RIT2: variants seen among roughly 807,000 people sequenced by gnomAD.
The protein encoded by RIT2 is GTP-binding protein Rit2.
Under a neutral mutation model 23.7 loss-of-function variants are expected in RIT2, and 24 were observed. The observed-to-expected ratio is 1.01, with a 90% confidence interval of 0.73 to 1.43. RIT2 has a LOEUF of 1.43. Ranked by LOEUF, RIT2 falls within the 40% of genes most tolerant of loss-of-function variation. The pLI is 0.00. For synonymous variants in RIT2, 107 were observed against 91.1 expected, an observed-to-expected ratio of 1.17 and a Z score of -0.99; for missense variants, 236 against 266.9, an observed-to-expected ratio of 0.88 and a Z score of 0.81.
chr18:43,045,049 T>C (rs182051700), intron 1 of RIT2, among the ~76,000 whole-genome samples: 49 of 152,240 alleles, frequency 3.2e-4, no homozygotes, highest in Non-Finnish European at 2.2e-4. Context: ...AGAAGAAAAA[T>C]AGACATTTTC....
intron 4 of RIT2, among the ~76,000 whole-genome samples, chr18:42,843,724 TA>T (rs1906831315): frequency 6.6e-6 from 1 of 152,170 alleles, no homozygotes; most frequent in East Asian, 1.9e-4. Context: ...GGCAAGTATA[TA>T]ACAGACTTGG....
intron 4 of RIT2, among the ~76,000 whole-genome samples, chr18:42,901,500 A>G (rs1171335335): frequency 1.3e-5 from 2 of 152,054 alleles, no homozygotes; most frequent in Admixed American, 1.3e-4. Context: ...CAAAAATTAG[A>G]ATTTTGGAAA....
chr18:43,102,445 C>A (rs1011411719), intron 1 of RIT2, among the ~76,000 whole-genome samples: 1 of 109,932 alleles, frequency 9.1e-6, no homozygotes, highest in African/African-American at 3.5e-5. Flanking sequence ...TCAGGAAACC[C>A]TTTTTTTTTT....
chr18:42,879,935 A>T (rs975338504), intron 4 of RIT2, among the ~76,000 whole-genome samples: 1 of 152,184 alleles, frequency 6.6e-6, no homozygotes, highest in Non-Finnish European at 1.5e-5. Context: ...TTCTGGAAAC[A>T]CTAGCTCCAG....
At chr18:42,967,233 A>G (rs1376403928) in intron 3 of RIT2, among the ~76,000 whole-genome samples, 1 of 152,162 alleles carries the variant, frequency 6.6e-6, no homozygotes. Flanking sequence ...ATACAGGGAA[A>G]TACTAACAAC....
At position 43,108,908 on chromosome 18, in the gene RIT2, A is replaced by C. The variant is rs191986780; in HGVS notation, c.103+6509T>G. On this transcript the variant is annotated intron_variant, in intron 1 of 4. Coordinates refer to ENST00000326695, the MANE Select transcript of RIT2 (RefSeq NM_002930.4). ...GTTTATTTTGTTTCTTTTGCCTTAC[A>C]GTCCACAGGGTTAGGATAACGCATG... 5.9e-3 allele frequency among the ~76,000 whole-genome samples: 892 copies of C among 152,316 alleles called. 1 individual carries two copies. The highest frequency in any genetic ancestry group is 8.5e-3 in the Non-Finnish European group (579 of 68,028).
intron 1 of RIT2, among the ~76,000 whole-genome samples, chr18:43,045,569 C>G (rs1912227449): frequency 1.3e-5 from 2 of 152,262 alleles, no homozygotes; most frequent in East Asian, 3.9e-4. Context: ...TATCTGCATA[C>G]ATCCTAAGCA....
chr18:42,922,006 C>T (rs1909066936), intron 4 of RIT2, among the ~76,000 whole-genome samples: 1 of 152,102 alleles, frequency 6.6e-6, no homozygotes, highest in East Asian at 1.9e-4. Flanking sequence ...TCATGCTGAA[C>T]ATGTCTTTGG....
At chr18:42,814,854 G>T (rs893967223) in intron 4 of RIT2, among the ~76,000 whole-genome samples, 4 of 152,166 alleles carry the variant, frequency 2.6e-5, no homozygotes, top group South Asian at 2.1e-4. Flanking sequence ...TCAGGTGCTG[G>T]TATACCACCC....
intron 3 of RIT2, among the ~76,000 whole-genome samples, chr18:42,940,449 T>C (rs1909573823): frequency 6.6e-6 from 1 of 151,226 alleles, no homozygotes; most frequent in Admixed American, 6.6e-5. Context: ...CACCCTCTCT[T>C]CACAGGGGCA....
intron 4 of RIT2, among the ~76,000 whole-genome samples, chr18:42,868,232 G>A (rs1266966998): frequency 6.6e-6 from 1 of 152,192 alleles, no homozygotes; most frequent in Non-Finnish European, 1.5e-5. Flanking sequence ...ATTGAGAAAT[G>A]TGATTTAAAT....
intron 3 of RIT2, among the ~76,000 whole-genome samples, chr18:42,937,923 G>A (rs1389449265): frequency 1.3e-5 from 2 of 152,126 alleles, no homozygotes; most frequent in East Asian, 3.9e-4. Context: ...GCAAATGTAA[G>A]GTAGGGTCAA....
intron 4 of RIT2, among the ~76,000 whole-genome samples, chr18:42,874,756 C>T (rs946525804): frequency 6.6e-6 from 1 of 151,832 alleles, no homozygotes; most frequent in African/African-American, 2.4e-5. Flanking sequence ...GAGGATCTGA[C>T]TTTTTTTTAG....
At chr18:43,094,127 T>TTG (rs1235342999) in intron 1 of RIT2, among the ~76,000 whole-genome samples, 83 of 129,880 alleles carry the variant, frequency 6.4e-4, no homozygotes, top group Non-Finnish European at 1.2e-3. Flanking sequence ...TTTTTTGTTT[T>TTG]TTTTTTTTTT....
intron 2 of RIT2, among the ~76,000 whole-genome samples, chr18:43,014,482 T>C (rs1373868318): frequency 6.6e-6 from 1 of 151,690 alleles, no homozygotes; most frequent in African/African-American, 2.4e-5. Context: ...TGTATTTGTG[T>C]TGTGTAAATG....
intron 3 of RIT2, among the ~76,000 whole-genome samples, chr18:42,952,740 A>G (rs1438479294): frequency 6.6e-6 from 1 of 152,104 alleles, no homozygotes; most frequent in African/African-American, 2.4e-5. Flanking sequence ...ATAAAAAAAT[A>G]TACTACATAC....
chr18:42,816,192 C>A (rs192217261), intron 4 of RIT2, among the ~76,000 whole-genome samples: 80 of 151,436 alleles, frequency 5.3e-4, no homozygotes, highest in Admixed American at 2.4e-3. Context: ...GGTATAAATA[C>A]CCCCCCATGG....
intron 1 of RIT2, among the ~76,000 whole-genome samples, chr18:43,113,028 G>A (rs764389869): frequency 7.2e-5 from 11 of 152,052 alleles, no homozygotes; most frequent in South Asian, 2.1e-4. Context: ...GTTTTAAAAC[G>A]TATATTTTAG....
chr18:42,855,932 T>C (rs1907169690), intron 4 of RIT2, among the ~76,000 whole-genome samples: 1 of 152,140 alleles, frequency 6.6e-6, no homozygotes, highest in Non-Finnish European at 1.5e-5. Context: ...ACTATGTCTG[T>C]TCTGTCTTTA....
Sources: gnomAD v4.1 joint callset for allele counts (sites outside exome capture counted in the v4.1 genomes callset) on GRCh38, gnomAD v4.1.1 for gene constraint, MANE v1.5 for transcripts, NCBI Gene and HGNC (gene_info 2026-07-23, HGNC 2026-07-21) for gene names.